AGR3: variants seen among roughly 807,000 people sequenced by gnomAD.
The protein encoded by AGR3 is anterior gradient 3, protein disulphide isomerase family member, also known as anterior gradient protein 3.
In AGR3, 37 loss-of-function variants were observed where a neutral mutation model predicts 24.5. That is an observed-to-expected ratio of 1.51 (90% CI 1.16 to 1.99). The LOEUF is 1.99. Among genes scored for constraint, AGR3 ranks in the 30% most tolerant of loss-of-function variants. AGR3 has a pLI of 0.00. For missense variants in AGR3, 228 were observed against 191.1 expected (o/e 1.19, Z -1.14); for synonymous variants, 75 against 61.6 (o/e 1.22, Z -1.02).
Position 16,865,745 on chromosome 7 carries a change from G to A in AGR3, c.174-3083C>T, listed in dbSNP as rs1477239420. 14 of 754,810 alleles carry A rather than the reference G, an allele frequency of 1.9e-5. No homozygotes were observed. The South Asian group carries it at 1.9e-4, about 10-fold the overall frequency. 46.8% of individuals were successfully genotyped at this position (754,810 alleles called of 1,614,324 possible). A position where few individuals can be genotyped will look rare whatever the true frequency, so the allele number is the denominator to read the frequency against. Reference sequence around the variant, plus strand: ...GCAAACTGCTATCTGAGACTGATAGGGAAACATATGGAAGCTTGATTCAGT... The same window carrying A: ...GCAAACTGCTATCTGAGACTGATAGAGAAACATATGGAAGCTTGATTCAGT... On this transcript the variant is annotated intron_variant, in intron 3 of 7. Transcript: ENST00000310398.
chr7:16,866,580 G>C lies in AGR3; in HGVS notation c.174-3918C>G, dbSNP rs547658559. On this transcript the variant is annotated intron_variant, in intron 3 of 7. Coordinates refer to ENST00000310398, the MANE Select transcript of AGR3 (RefSeq NM_176813.5). ...GTACCAATTCATATTCTCTCTGGTA[G>C]TGTGAGCAGTAATTGTTTTTGCTAT... 4.6e-5 allele frequency among the ~76,000 whole-genome samples: 7 copies of C among 152,254 alleles called. No individual in the cohort carries two copies. In the East Asian group the frequency reaches 1.3e-3, roughly 29 times the overall value.
intron 3 of AGR3, chr7:16,866,330 T>C (rs184233704): frequency 3.1e-5 from 16 of 523,734 alleles, no homozygotes; most frequent in Non-Finnish European, 6.1e-5. Flanking sequence ...ATAGTTCCCA[T>C]CCATAGTATA....
chr7:16,858,367 C>T (rs1194645946), downstream of AGR3, among the ~76,000 whole-genome samples: 1 of 151,992 alleles, frequency 6.6e-6, no homozygotes, highest in East Asian at 1.9e-4. Context: ...ATTTTTTCTT[C>T]TTGTTGCTGT....
At chr7:16,868,116 G>A (rs1240800163) in intron 3 of AGR3, among the ~76,000 whole-genome samples, 1 of 151,842 alleles carries the variant, frequency 6.6e-6, no homozygotes, top group East Asian at 1.9e-4. Flanking sequence ...CTGATGATTA[G>A]TGATGTTAAG....
chr7:16,870,401 T>TGTTA (rs75688712), intron 3 of AGR3, among the ~76,000 whole-genome samples: 24,103 of 151,856 alleles, frequency 0.16, 2,659 homozygotes, highest in East Asian at 0.36. Context: ...TCTATAATTG[T>TGTTA]GTTAGTACTT....
downstream of AGR3, among the ~76,000 whole-genome samples, chr7:16,854,848 C>T (rs77209580): frequency 7.5e-3 from 1,141 of 152,256 alleles, 14 homozygotes; most frequent in African/African-American, 0.026. Context: ...TTCTGCTGCA[C>T]GATCACACTC....
At chr7:16,854,781 A>G (rs911604813), downstream of AGR3, among the ~76,000 whole-genome samples, 6 of 152,148 alleles carry the variant, frequency 3.9e-5, no homozygotes, top group Admixed American at 2.6e-4. Context: ...GTGAAGGAGA[A>G]TCTTTTCCGT....
At position 16,861,912 on chromosome 7, in the gene AGR3, A is replaced by G. The variant is rs558567413; in HGVS notation, c.303+72T>C. ...CGAGACTCTGTCTAAAAAAAAAAAA[A>G]AAAAAGAAAAAAACGGATTCAAAAT... is the stretch of plus-strand genomic sequence containing the variant. On this transcript the variant is annotated intron_variant, in intron 5 of 7. Coordinates refer to ENST00000310398, the MANE Select transcript of AGR3 (RefSeq NM_176813.5). The G allele has an allele frequency of 7.2e-4, 1,008 of 1,393,168 alleles. 9 individuals carry two copies. The South Asian group carries it at 0.012, about 17-fold the overall frequency. 86.3% of individuals were successfully genotyped at this position (1,393,168 alleles called of 1,614,324 possible). A position where few individuals can be genotyped will look rare whatever the true frequency, so the allele number is the denominator to read the frequency against.
intron 3 of AGR3, among the ~76,000 whole-genome samples, chr7:16,863,797 T>C (rs942429413): frequency 4.6e-5 from 7 of 152,088 alleles, no homozygotes; most frequent in African/African-American, 1.7e-4. Flanking sequence ...TTGTTTCCAA[T>C]CTCTTGTGTT....
chr7:16,873,640 T>A, intron 3 of AGR3, 140 bp downstream of exon 3: 1 of 646,142 alleles, frequency 1.5e-6, no homozygotes, highest in Non-Finnish European at 2.7e-6. Flanking sequence ...TTTCAGGTGA[T>A]GCATATGCTA....
chr7:16,863,017 C>T (rs926148336), intron 3 of AGR3, among the ~76,000 whole-genome samples: 2 of 152,282 alleles, frequency 1.3e-5, no homozygotes, highest in South Asian at 2.1e-4. Flanking sequence ...TTGCGGTGAG[C>T]CGAGATGGCG....
At chr7:16,864,125 C>T (rs376535737) in intron 3 of AGR3, 17 of 471,514 alleles carry the variant, frequency 3.6e-5, no homozygotes, top group African/African-American at 1.4e-4. Context: ...GTTAGTTTTT[C>T]GTGATGAAAG....
intron 3 of AGR3, chr7:16,866,244 G>T (rs1023613132): frequency 3.1e-5 from 16 of 522,820 alleles, no homozygotes; most frequent in Non-Finnish European, 5.8e-5. Flanking sequence ...ATCATTGAAT[G>T]ATGGGTCAAT....
chr7:16,881,755 T>G (rs2115322474), intron 1 of AGR3, among the ~76,000 whole-genome samples, 189 bp downstream of exon 1: 1 of 152,280 alleles, frequency 6.6e-6, no homozygotes, highest in Non-Finnish European at 1.5e-5. Flanking sequence ...CTAATACCAT[T>G]AATATAAATA....
At chr7:16,860,979 T>A (rs1781630167) in intron 6 of AGR3, among the ~76,000 whole-genome samples, 1 of 151,744 alleles carries the variant, frequency 6.6e-6, no homozygotes, top group Non-Finnish European at 1.5e-5. Flanking sequence ...CTTAAAATCA[T>A]TTTTGTTTCT....
chr7:16,877,590 G>C (rs1241808410), intron 2 of AGR3, among the ~76,000 whole-genome samples: 1 of 151,504 alleles, frequency 6.6e-6, no homozygotes, highest in Non-Finnish European at 1.5e-5. Context: ...TTGGCCGGGC[G>C]CGGTGGCTCA....
chr7:16,880,086 CCCTTCCTTCCTTCCTTCCTTCTTT>C (rs1554282381), intron 1 of AGR3, among the ~76,000 whole-genome samples: 4 of 138,134 alleles, frequency 2.9e-5, no homozygotes, highest in South Asian at 2.5e-4. Flanking sequence ...TCCTTCTTTC[CCCTTCCTTCCTTCCTTCCTTCTTT>C]CCTTCCTTCC....
intron 3 of AGR3, among the ~76,000 whole-genome samples, chr7:16,872,954 A>C (rs1781912455): frequency 6.6e-6 from 1 of 152,154 alleles, no homozygotes; most frequent in African/African-American, 2.4e-5. Flanking sequence ...AAAAATAACA[A>C]ATGCTGGTGA....
At chr7:16,861,937 T>C in intron 5 of AGR3, 47 bp downstream of exon 5, 1 of 1,444,508 alleles carries the variant, frequency 6.9e-7, no homozygotes, top group Non-Finnish European at 9.5e-7. Flanking sequence ...GGATTCAAAA[T>C]TTCCATGAAA....
Sources: allele counts gnomAD v4.1 joint callset (sites outside exome capture counted in the v4.1 genomes callset), GRCh38; gene constraint gnomAD v4.1.1; transcripts MANE v1.5; gene names NCBI Gene and HGNC (gene_info 2026-07-23, HGNC 2026-07-21).